MTSS2: variants seen among roughly 807,000 people sequenced by gnomAD.
MTSS2 encodes the protein protein MTSS 2.
A neutral mutation model predicts 67.1 loss-of-function variants in MTSS2; 27 were observed. The ratio of observed to expected loss-of-function variants is 0.40; its 90% CI spans 0.30 to 0.55. MTSS2 has a LOEUF of 0.55. Among genes scored for constraint, MTSS2 ranks in the 20% least tolerant of loss-of-function variants. The pLI is 0.43. For synonymous variants in MTSS2, 624 were observed against 468.6 expected (o/e 1.33, Z -4.28); for missense variants, 1,171 against 1,067.8 (o/e 1.10, Z -1.35).
At position 70,663,308 on chromosome 16, in the gene MTSS2, C is replaced by T. The variant is rs913696611; in HGVS notation, c.*369G>A. ...CAGGAGGAGCTGAGGCAGGACCAGC[C>T]CTGGGAGAGGCCGGGATGGTGAAAG... On this transcript the variant is annotated 3_prime_UTR_variant, in exon 15 of 15. Transcript: ENST00000338779. 25 of 246,970 alleles carry T rather than the reference C, an allele frequency of 1.0e-4. No homozygotes were observed. The highest frequency in any genetic ancestry group is 1.8e-4 in the Non-Finnish European group (23 of 129,124). 15.3% of individuals were successfully genotyped at this position (246,970 alleles called of 1,614,324 possible).
chr16:70,680,382 C>A lies in MTSS2; in HGVS notation c.206-327G>T, dbSNP rs571027343. ...GCAGGTGCGGGAGTGTGAGCACGCC[C>A]AGGGCCCGAAGGAGCGGGAGCCCCA... On this transcript the variant is annotated intron_variant, in intron 3 of 14. Transcript: ENST00000338779. 5.3e-5 allele frequency among the ~76,000 whole-genome samples: 8 copies of A among 152,294 alleles called. 2 individuals are homozygous for A. The highest frequency in any genetic ancestry group is 1.9e-4 in the African/African-American group (8 of 41,582).
rs577102332 is a variant in MTSS2, at chr16:70,664,052, G to A, written c.1869C>T (p.Ala623=). Residue 623 remains alanine, a synonymous_variant, in exon 15 of 15, where the codon GCC becomes GCT. Coordinates refer to ENST00000338779, the MANE Select transcript of MTSS2 (RefSeq NM_138383.3). ...EECVFYTDET[A]SPLAPDLAKA... ...TGGCGAGGTCCGGTGCCAGGGGTGA[G>A]GCGGTCTCGTCGGTATAGAAGACGC... The A allele has an allele frequency of 7.5e-6, 12 of 1,610,616 alleles. No individual in the cohort carries two copies. In the Admixed American group the frequency reaches 1.7e-4, roughly 22 times the overall value.
At chr16:70,678,005 C>G in intron 8 of MTSS2, 106 bp from the exon 9 acceptor site, 1 of 1,054,946 alleles carries the variant, frequency 9.5e-7, no homozygotes, top group Non-Finnish European at 1.4e-6. Flanking sequence ...CTCTCTCACC[C>G]CTCCTCGCTA....
chr16:70,668,420 CTT>C (rs1169508702), intron 11 of MTSS2, among the ~76,000 whole-genome samples: 1 of 145,006 alleles, frequency 6.9e-6, no homozygotes, highest in Non-Finnish European at 1.5e-5. Flanking sequence ...AAAAAAAAGA[CTT>C]TTTATAAATA....
rs1158573364 is a variant in MTSS2, at chr16:70,663,605, T to C, written c.*72A>G. 2.5e-5 allele frequency: 36 copies of C among 1,467,864 alleles called. No individual in the cohort carries two copies. Among genetic ancestry groups the C allele is most frequent in the Non-Finnish European group, 3.2e-5 (36 of 1,108,306 alleles). The allele number at this position is 1,467,864 out of a possible 1,614,324, so 90.9% of individuals were successfully genotyped here. A position where few individuals can be genotyped will look rare whatever the true frequency, so the allele number is the denominator to read the frequency against. ...CTCTCTCCTGGCTGGGCCTTTGCTCTGAGTGCCTGCGGCTCACAGACCAGG... is the reference window on the plus strand; with the variant it reads ...CTCTCTCCTGGCTGGGCCTTTGCTCCGAGTGCCTGCGGCTCACAGACCAGG... On this transcript the variant is annotated 3_prime_UTR_variant, in exon 15 of 15. Transcript: ENST00000338779.
chr16:70,661,350 G>C lies in MTSS2; in HGVS notation c.*2327C>G, dbSNP rs1567473671. 2.6e-6 allele frequency: 1 copy of C among 389,968 alleles called. No individual in the cohort carries two copies. Among genetic ancestry groups the C allele is most frequent in the South Asian group, 1.7e-5 (1 of 59,988 alleles). 24.2% of individuals were successfully genotyped at this position (389,968 alleles called of 1,614,324 possible). On this transcript the variant is annotated 3_prime_UTR_variant, in exon 15 of 15. Transcript: ENST00000338779. ...TTTCCAAAATCTGACGGAAAGAAAA[G>C]AAACAAATGGTTCAGATGGGACGGA...
At chr16:70,670,041 G>A (rs2052873566) in intron 11 of MTSS2, among the ~76,000 whole-genome samples, 1 of 151,552 alleles carries the variant, frequency 6.6e-6, no homozygotes, top group South Asian at 2.1e-4. Flanking sequence ...GAGGCTGAGG[G>A]GGGTGGACTG....
At chr16:70,675,414 C>T (rs1024017748) in intron 10 of MTSS2, among the ~76,000 whole-genome samples, 5 of 152,122 alleles carry the variant, frequency 3.3e-5, no homozygotes, top group Non-Finnish European at 7.3e-5. Flanking sequence ...CAGAGCGAGA[C>T]CCTGTCTCAC....
chr16:70,672,699 A>T (rs1403469558), intron 11 of MTSS2, among the ~76,000 whole-genome samples: 5 of 151,788 alleles, frequency 3.3e-5, no homozygotes, highest in Non-Finnish European at 5.9e-5. Context: ...AAAAAAAAGA[A>T]AAAGTCGATT....
chr16:70,673,153 G>C (rs1277647972), intron 11 of MTSS2, among the ~76,000 whole-genome samples: 2 of 152,128 alleles, frequency 1.3e-5, no homozygotes, highest in East Asian at 1.9e-4. Context: ...GACAGAGTAA[G>C]ATCGTGTCTC....
At chr16:70,681,671 C>G (rs1267604258) in intron 1 of MTSS2, among the ~76,000 whole-genome samples, 1 of 152,268 alleles carries the variant, frequency 6.6e-6, no homozygotes, top group African/African-American at 2.4e-5. Flanking sequence ...GTGCGGCCAA[C>G]AGAGCCACCT....
chr16:70,672,165 C>T (rs141102462), intron 11 of MTSS2, among the ~76,000 whole-genome samples: 16 of 151,992 alleles, frequency 1.1e-4, no homozygotes, highest in African/African-American at 3.4e-4. Flanking sequence ...CTGACCAACA[C>T]GGTGAAACCC....
intron 11 of MTSS2, among the ~76,000 whole-genome samples, chr16:70,668,780 C>A (rs78440508): frequency 6.6e-6 from 1 of 152,316 alleles, no homozygotes; most frequent in African/African-American, 2.4e-5. Flanking sequence ...AAGGTGACAT[C>A]TATGAACCAC....
chr16:70,667,771 G>A (rs761720380), intron 11 of MTSS2, among the ~76,000 whole-genome samples: 5 of 152,106 alleles, frequency 3.3e-5, no homozygotes, highest in Non-Finnish European at 7.3e-5. Flanking sequence ...TACTCGGGAG[G>A]CTGAGGCACG....
Position 70,663,897 on chromosome 16 carries a change from A to C in MTSS2, c.2024T>G (p.Val675Gly), listed in dbSNP as rs1421110411. Residue 675 changes from valine to glycine, a missense_variant, in exon 15 of 15, where the codon GTG (valine) becomes GGG (glycine). Val to Gly is a moderately radical substitution (Grantham distance 109, BLOSUM62 -3). Coordinates refer to ENST00000338779, the MANE Select transcript of MTSS2 (RefSeq NM_138383.3). The part of the protein sequence containing the change: ...QQLAANRHSL[V>G]EKLGELVAGA... Reference sequence around the variant, plus strand: ...CGCCACCAGCTCCCCCAGCTTCTCCACCAGGCTGTGCCGGTTGGCCGCCAG... The same window carrying C: ...CGCCACCAGCTCCCCCAGCTTCTCCCCCAGGCTGTGCCGGTTGGCCGCCAG... 1 of 1,548,194 alleles carries C rather than the reference A, an allele frequency of 6.5e-7. No homozygotes were observed. The highest frequency in any genetic ancestry group is 2.0e-5 in the Admixed American group (1 of 51,240).
intron 11 of MTSS2, among the ~76,000 whole-genome samples, chr16:70,666,265 C>T (rs937834004): frequency 1.3e-5 from 2 of 151,696 alleles, no homozygotes; most frequent in African/African-American, 2.4e-5. Context: ...ATGGAGACCC[C>T]GAGGAGAACT....
intron 10 of MTSS2, 150 bp from the exon 11 acceptor site, chr16:70,674,678 T>C (rs150626480): frequency 2.0e-4 from 139 of 704,930 alleles, no homozygotes; most frequent in Non-Finnish European, 2.0e-4. Flanking sequence ...GAGACCCAGG[T>C]GCTACACAGG....
Position 70,676,960 on chromosome 16 carries a change from C to T in MTSS2, c.751G>A (p.Gly251Ser). ...ASEQVIKDLK[G>S]SDYSWSYQTP... ...TGGTAGGACCAGCTGTAGTCCGAGC[C>T]CTTTAGGTCTTTGATTACCTGGACA... is the stretch of plus-strand genomic sequence containing the variant. Residue 251 changes from glycine (G) to serine (S), a missense_variant, in exon 10 of 15, where the codon GGC becomes AGC. Coordinates refer to ENST00000338779, the MANE Select transcript of MTSS2 (RefSeq NM_138383.3). 2 of 1,613,856 alleles carry T rather than the reference C, an allele frequency of 1.2e-6. No individual in the cohort carries two copies. The highest frequency in any genetic ancestry group is 8.5e-7 in the Non-Finnish European group (1 of 1,179,908).
At position 70,665,109 on chromosome 16, in the gene MTSS2, T is replaced by C; in HGVS notation, c.1129-13A>G. On this transcript the variant is annotated splice_polypyrimidine_tract_variant and intron_variant, in intron 12 of 14. Transcript: ENST00000338779. ...CCTTGGACCAGTCCTGCAGGGAGGG[T>C]GTGGCAGGTCAGGGGGACCACTGGC... 1 of 1,585,406 alleles carries C rather than the reference T, an allele frequency of 6.3e-7. No individual in the cohort carries two copies. Among genetic ancestry groups the C allele is most frequent in the Non-Finnish European group, 8.5e-7 (1 of 1,172,962 alleles).
Sources: allele counts gnomAD v4.1 joint callset (sites outside exome capture counted in the v4.1 genomes callset), GRCh38; gene constraint gnomAD v4.1.1; transcripts MANE v1.5; gene names NCBI Gene and HGNC (gene_info 2026-07-23, HGNC 2026-07-21).